The following NETO1 variants were observed in gnomAD, a reference collection of about 807,000 sequenced individuals.
The protein encoded by NETO1 is neuropilin and tolloid like 1.
NETO1 carries 26 observed loss-of-function variants against 61.3 expected under a neutral mutation model. That is an observed-to-expected ratio of 0.42 (90% CI 0.31 to 0.59). NETO1 has a LOEUF of 0.59. Ranked by LOEUF, NETO1 falls within the 20% of genes least tolerant of loss-of-function variation. The probability of loss-of-function intolerance (pLI) is 0.12; values close to 1 mark genes in which losing one functional copy is unlikely to be tolerated. For missense variants in NETO1, 531 were observed against 662.8 expected, an observed-to-expected ratio of 0.80 and a Z score of 2.18; for synonymous variants, 225 against 225.8, an observed-to-expected ratio of 1.00 and a Z score of 0.03.
At chr18:72,843,461 T>C (rs1049388539) in intron 4 of NETO1, among the ~76,000 whole-genome samples, 1 of 152,158 alleles carries the variant, frequency 6.6e-6, no homozygotes, top group Non-Finnish European at 1.5e-5. Context: ...ACTATGATAT[T>C]TTCAAAAGTA....
chr18:72,774,476 A>C (rs1406062039), intron 7 of NETO1, among the ~76,000 whole-genome samples: 1 of 152,170 alleles, frequency 6.6e-6, no homozygotes, highest in Non-Finnish European at 1.5e-5. Context: ...AATTCTTTAG[A>C]GTCAATAAAT....
chr18:72,752,511 A>G (rs1385095665), intron 8 of NETO1, among the ~76,000 whole-genome samples: 1 of 152,208 alleles, frequency 6.6e-6, no homozygotes, highest in Non-Finnish European at 1.5e-5. Context: ...ACATTTAGAA[A>G]CAAACAAGAA....
At chr18:72,845,587 T>C (rs1454217541) in intron 4 of NETO1, among the ~76,000 whole-genome samples, 1 of 152,238 alleles carries the variant, frequency 6.6e-6, no homozygotes. Context: ...GAGCATCATG[T>C]AACATATTTT....
chr18:72,861,987 C>T (rs2074585929), intron 3 of NETO1, among the ~76,000 whole-genome samples: 1 of 152,172 alleles, frequency 6.6e-6, no homozygotes. Flanking sequence ...TCTCAAGACC[C>T]CATCCACTCT....
chr18:72,770,186 T>C (rs1465895503), intron 7 of NETO1, among the ~76,000 whole-genome samples: 1 of 152,046 alleles, frequency 6.6e-6, no homozygotes, highest in African/African-American at 2.4e-5. Context: ...TTTATGCTTC[T>C]CTTATGAATT....
In NETO1 at chr18:72,786,727, T is replaced by C. The variant is rs536046424; in HGVS notation, c.640-2821A>G. On this transcript the variant is annotated intron_variant, in intron 6 of 10. Transcript: ENST00000327305. ...AAAATTATTCAGAGAATTTCAGAAA[T>C]ATCCAGTTTAAGAAGGTATATATGC... Among the ~76,000 whole-genome samples the C allele has an allele frequency of 7.9e-5, 12 of 152,200 alleles. No individual in the cohort carries two copies. The South Asian group carries it at 2.1e-3, about 26-fold the overall frequency.
intron 7 of NETO1, among the ~76,000 whole-genome samples, chr18:72,764,287 T>C (rs529599405): frequency 1.3e-5 from 2 of 152,336 alleles, no homozygotes; most frequent in African/African-American, 4.8e-5. Context: ...TCTATTACTC[T>C]GTTTGGTGAG....
chr18:72,774,271 T>G (rs989174428), intron 7 of NETO1, among the ~76,000 whole-genome samples: 1 of 152,178 alleles, frequency 6.6e-6, no homozygotes, highest in Admixed American at 6.5e-5. Flanking sequence ...CAAATTCATA[T>G]TCTAAACAAA....
chr18:72,839,130 A>G (rs1417234584), intron 4 of NETO1, among the ~76,000 whole-genome samples: 1 of 152,182 alleles, frequency 6.6e-6, no homozygotes, highest in African/African-American at 2.4e-5. Flanking sequence ...ATAAATGATC[A>G]ATTTTTTTAT....
chr18:72,843,305 G>T (rs2073989650), intron 4 of NETO1, among the ~76,000 whole-genome samples: 1 of 152,046 alleles, frequency 6.6e-6, no homozygotes, highest in African/African-American at 2.4e-5. Context: ...AGATAGAGGA[G>T]TAAAGCAAAT....
intron 4 of NETO1, chr18:72,833,994 TACA>T (rs1333484565): frequency 2.8e-4 from 125 of 450,192 alleles, no homozygotes; most frequent in Non-Finnish European, 3.6e-4. Context: ...CCAAAGTGAA[TACA>T]ACATTTTAAC....
At chr18:72,753,552 TG>T (rs2070692484) in intron 8 of NETO1, among the ~76,000 whole-genome samples, 1 of 152,204 alleles carries the variant, frequency 6.6e-6, no homozygotes, top group African/African-American at 2.4e-5. Flanking sequence ...AGAGAGTTCA[TG>T]TTGAAAACCA....
At chr18:72,838,565 G>A (rs1399910206) in intron 4 of NETO1, among the ~76,000 whole-genome samples, 7 of 152,132 alleles carry the variant, frequency 4.6e-5, no homozygotes, top group East Asian at 1.9e-4. Flanking sequence ...AGGCTCCTCC[G>A]CCCAGACTCC....
chr18:72,756,671 T>C (rs1193047699), intron 7 of NETO1, among the ~76,000 whole-genome samples: 1 of 152,120 alleles, frequency 6.6e-6, no homozygotes. Flanking sequence ...AAATTAATCC[T>C]GAACAACATA....
chr18:72,745,989 A>C lies in NETO1; in HGVS notation c.*2190T>G, dbSNP rs538466288. 6.6e-6 allele frequency: 1 copy of C among 152,208 alleles called. No homozygotes were observed. The highest frequency in any genetic ancestry group is 1.5e-5 in the Non-Finnish European group (1 of 68,016). 9.4% of individuals were successfully genotyped at this position (152,208 alleles called of 1,614,324 possible). ...ATGTGAGCTATTCATTCTTATTATTATACTTCATTTAGTGTTTTTTTTTAA... is the reference window on the plus strand; with the variant it reads ...ATGTGAGCTATTCATTCTTATTATTCTACTTCATTTAGTGTTTTTTTTTAA... On this transcript the variant is annotated 3_prime_UTR_variant, in exon 11 of 11. Transcript: ENST00000327305.
chr18:72,865,115 A>C, intron 2 of NETO1, 73 bp downstream of exon 2: 1 of 1,477,394 alleles, frequency 6.8e-7, no homozygotes, highest in Non-Finnish European at 9.4e-7. Context: ...CTGGAATATT[A>C]ACAGTAGGAG....
At position 72,858,933 on chromosome 18, in the gene NETO1, T is replaced by G; in HGVS notation, c.362A>C (p.Gln121Pro). ...SPIIGRFCGQ[Q>P]NPPVIKSSGR... ...ACTGGATTTTATGACAGGTGGATTT[T>G]GTTGTCCACAGAAACGTCCAATTAT... is the stretch of plus-strand genomic sequence containing the variant. Residue 121 changes from glutamine to proline, a missense_variant, in exon 4 of 11, where the codon CAA (glutamine) becomes CCA (proline). Gln to Pro is a moderately conservative substitution (Grantham distance 76). Coordinates refer to ENST00000327305, the MANE Select transcript of NETO1 (RefSeq NM_138966.5). The G allele has an allele frequency of 6.2e-7, 1 of 1,613,998 alleles. No homozygotes were observed. Among genetic ancestry groups the G allele is most frequent in the Non-Finnish European group, 8.5e-7 (1 of 1,179,904 alleles).
At chr18:72,805,682 T>A (rs536945385) in intron 4 of NETO1, among the ~76,000 whole-genome samples, 1 of 152,282 alleles carries the variant, frequency 6.6e-6, no homozygotes, top group African/African-American at 2.4e-5. Context: ...TTCCATATTG[T>A]CACATTCTAT....
chr18:72,748,024 C>T lies in NETO1; in HGVS notation c.*155G>A, dbSNP rs1197520133. On this transcript the variant is annotated 3_prime_UTR_variant, in exon 11 of 11. Transcript: ENST00000327305. ...ACATATCAGTGTGCAGCGGGGATGT[C>T]TTGCCGAAGGAATAACAAATGTCTG... is the stretch of plus-strand genomic sequence containing the variant. 1.7e-6 allele frequency: 1 copy of T among 580,996 alleles called. No homozygotes were observed. Among genetic ancestry groups the T allele is most frequent in the African/African-American group, 2.0e-5 (1 of 49,284 alleles). The allele number at this position is 580,996 out of a possible 1,614,324, so 36.0% of individuals were successfully genotyped here. A position where few individuals can be genotyped will look rare whatever the true frequency, so the allele number is the denominator to read the frequency against.
Sources: gnomAD v4.1 joint callset for allele counts (sites outside exome capture counted in the v4.1 genomes callset) on GRCh38, gnomAD v4.1.1 for gene constraint, MANE v1.5 for transcripts, NCBI Gene and HGNC (gene_info 2026-07-23, HGNC 2026-07-21) for gene names.